The following ARB2A variants were observed in gnomAD, a reference collection of about 807,000 sequenced individuals.
ARB2A encodes the protein ARB2 cotranscriptional regulator A.
chr5:93,892,469 A>G, the ARB2A span, among the ~76,000 whole-genome samples: 1 of 152,190 alleles, frequency 6.6e-6, no homozygotes, highest in African/African-American at 2.4e-5. Flanking sequence ...ACACTTTAAT[A>G]CAATTTCTTT....
the ARB2A span, among the ~76,000 whole-genome samples, chr5:94,013,062 A>G: frequency 3.3e-5 from 5 of 152,140 alleles, no homozygotes; most frequent in Non-Finnish European, 7.3e-5. Context: ...ATGAAAATTC[A>G]GTCTGTGACA....
the ARB2A span, among the ~76,000 whole-genome samples, chr5:93,899,572 TGAAG>T: frequency 6.6e-6 from 1 of 152,098 alleles, no homozygotes; most frequent in Non-Finnish European, 1.5e-5. Context: ...TGGCAAAAAG[TGAAG>T]GACATAAGAG....
At chr5:94,087,414 A>T in the ARB2A span, among the ~76,000 whole-genome samples, 22 of 152,168 alleles carry the variant, frequency 1.4e-4, no homozygotes, top group Admixed American at 2.0e-4. Context: ...CTTAAAAAAA[A>T]ATTAATTTTA....
the ARB2A span, among the ~76,000 whole-genome samples, chr5:93,708,694 C>T: frequency 2.6e-5 from 4 of 152,084 alleles, no homozygotes; most frequent in African/African-American, 9.7e-5. Flanking sequence ...AGGCCAGGGA[C>T]CAGTACTGGT....
At chr5:94,056,474 T>C in the ARB2A span, among the ~76,000 whole-genome samples, 1 of 152,192 alleles carries the variant, frequency 6.6e-6, no homozygotes, top group South Asian at 2.1e-4. Flanking sequence ...AGGCAGATTA[T>C]GCAAAAATCG....
the ARB2A span, among the ~76,000 whole-genome samples, chr5:93,832,101 T>C: frequency 6.6e-6 from 1 of 152,182 alleles, no homozygotes; most frequent in Non-Finnish European, 1.5e-5. Context: ...TCAACCTTGC[T>C]AGCAGGGCAG....
chr5:93,762,232 T>G, the ARB2A span, among the ~76,000 whole-genome samples: 1 of 152,096 alleles, frequency 6.6e-6, no homozygotes, highest in Non-Finnish European at 1.5e-5. Context: ...AGAAGAAGGC[T>G]TCAGACGATC....
the ARB2A span, among the ~76,000 whole-genome samples, chr5:93,637,317 T>C: frequency 6.6e-6 from 1 of 151,282 alleles, no homozygotes; most frequent in African/African-American, 2.4e-5. Flanking sequence ...TGTTTAACCA[T>C]AACCATTCTC....
chr5:93,692,589 A>ACCC, the ARB2A span, among the ~76,000 whole-genome samples: 1 of 152,342 alleles, frequency 6.6e-6, no homozygotes, highest in South Asian at 2.1e-4. Flanking sequence ...AATCCCACAC[A>ACCC]ATAATACTGG....
chr5:93,667,474 G>C, the ARB2A span, among the ~76,000 whole-genome samples: 1 of 152,166 alleles, frequency 6.6e-6, no homozygotes, highest in Admixed American at 6.5e-5. Flanking sequence ...TTGGTGGGTG[G>C]GGGCAGAGTC....
chr5:93,835,394 C>A, the ARB2A span, among the ~76,000 whole-genome samples: 1 of 152,112 alleles, frequency 6.6e-6, no homozygotes, highest in Non-Finnish European at 1.5e-5. Context: ...TGAACCATTG[C>A]CAAATTTGAC....
At chr5:93,930,157 G>A in the ARB2A span, among the ~76,000 whole-genome samples, 2 of 152,172 alleles carry the variant, frequency 1.3e-5, no homozygotes, top group African/African-American at 4.8e-5. Flanking sequence ...AAGGGGATGT[G>A]AAATTTCCCA....
At chr5:93,886,930 T>C in the ARB2A span, among the ~76,000 whole-genome samples, 3 of 151,918 alleles carry the variant, frequency 2.0e-5, no homozygotes, top group Non-Finnish European at 2.9e-5. Context: ...TGGACCAACA[T>C]AGATTATCCC....
the ARB2A span, among the ~76,000 whole-genome samples, chr5:94,081,924 C>T: frequency 6.6e-6 from 1 of 152,078 alleles, no homozygotes; most frequent in African/African-American, 2.4e-5. Flanking sequence ...TTCTATAAAA[C>T]AGAAGCAAGA....
the ARB2A span, among the ~76,000 whole-genome samples, chr5:94,084,729 A>G: frequency 6.6e-6 from 1 of 152,234 alleles, no homozygotes; most frequent in Admixed American, 6.5e-5. Context: ...TAACAGATCC[A>G]TATGACACAG....
At chr5:93,914,880 C>T in the ARB2A span, among the ~76,000 whole-genome samples, 1 of 151,722 alleles carries the variant, frequency 6.6e-6, no homozygotes, top group Admixed American at 6.6e-5. Context: ...AATGCTGCTT[C>T]GATAATCAGG....
the ARB2A span, among the ~76,000 whole-genome samples, chr5:93,939,160 C>T: frequency 6.6e-6 from 1 of 152,040 alleles, no homozygotes; most frequent in East Asian, 1.9e-4. Flanking sequence ...GCAAGTCTTT[C>T]AAATAATTTT....
chr5:93,863,824 CATAA>C, the ARB2A span: 1 of 151,938 alleles, frequency 6.6e-6, no homozygotes, highest in South Asian at 2.1e-4. Context: ...CACATATCTT[CATAA>C]ATATATTTTT....
the ARB2A span, among the ~76,000 whole-genome samples, chr5:94,096,632 A>G: frequency 1.3e-5 from 2 of 152,194 alleles, no homozygotes; most frequent in Non-Finnish European, 2.9e-5. Context: ...AGCTTGGTCC[A>G]TTATCAATCT....
Sources: gnomAD v4.1 joint callset for allele counts (sites outside exome capture counted in the v4.1 genomes callset) on GRCh38, gnomAD v4.1.1 for gene constraint, MANE v1.5 for transcripts, NCBI Gene and HGNC (gene_info 2026-07-23, HGNC 2026-07-21) for gene names.